MAML3: variants seen among roughly 807,000 people sequenced by gnomAD.
MAML3 encodes mastermind like transcriptional coactivator 3, also known as mastermind-like protein 3.
Under a neutral mutation model 101.9 loss-of-function variants are expected in MAML3, and 27 were observed. That is an observed-to-expected ratio of 0.27 (90% confidence interval 0.20 to 0.37). MAML3 has a LOEUF of 0.37. Among genes scored for constraint, MAML3 ranks in the 10% least tolerant of loss-of-function variants. MAML3 has a pLI of 1.00. For missense variants in MAML3, 1,316 were observed against 1,444.9 expected, an observed-to-expected ratio of 0.91 and a Z score of 1.45; for synonymous variants, 501 against 555.9, an observed-to-expected ratio of 0.90 and a Z score of 1.39.
At chr4:139,728,314 C>T (rs557513956) in intron 3 of MAML3, among the ~76,000 whole-genome samples, 3 of 152,326 alleles carry the variant, frequency 2.0e-5, no homozygotes, top group African/African-American at 7.2e-5. Context: ...ACAGGCAAGA[C>T]GCTCCACTGA....
intron 2 of MAML3, among the ~76,000 whole-genome samples, chr4:139,769,033 A>T (rs1017981406): frequency 6.6e-6 from 1 of 152,216 alleles, no homozygotes; most frequent in African/African-American, 2.4e-5. Flanking sequence ...CTTTGGTAAC[A>T]ACAAGGTGTT....
chr4:140,025,198 T>C (rs1387992519), intron 1 of MAML3, among the ~76,000 whole-genome samples: 2 of 152,100 alleles, frequency 1.3e-5, no homozygotes, highest in Non-Finnish European at 2.9e-5. Flanking sequence ...TGATTATGGG[T>C]TAGGTATTAG....
intron 1 of MAML3, among the ~76,000 whole-genome samples, chr4:140,054,343 TG>T (rs1727316945): frequency 7.5e-6 from 1 of 133,944 alleles, no homozygotes; most frequent in South Asian, 2.3e-4. Flanking sequence ...CACTGCGACC[TG>T]GGCAACAGAG....
chr4:140,033,639 T>C (rs1354052332), intron 1 of MAML3, among the ~76,000 whole-genome samples: 8 of 152,314 alleles, frequency 5.3e-5, no homozygotes, highest in Non-Finnish European at 1.0e-4. Context: ...AGCACCTGGA[T>C]TCAAACCAAC....
rs150028267 is a variant in MAML3 at position 139,814,965 on chromosome 4, T to A, written c.2079+74392A>T. ...GAAAGAGTATCATTAGGGTTTAGAG[T>A]CTAATGAGGCAGCATTAGATAGGCC... On this transcript the variant is annotated intron_variant, in intron 2 of 4. Coordinates refer to ENST00000509479, the MANE Select transcript of MAML3 (RefSeq NM_018717.5). Among the ~76,000 whole-genome samples the A allele has an allele frequency of 1.6e-3, 250 of 152,142 alleles. 2 individuals carry two copies. Among genetic ancestry groups the A allele is most frequent in the African/African-American group, 5.8e-3 (240 of 41,508 alleles).
rs576980242 is a variant in MAML3 at position 139,897,857 on chromosome 4, T to C, written c.469-6890A>G. Among the ~76,000 whole-genome samples the C allele has an allele frequency of 2.7e-3, 407 of 152,146 alleles. 2 individuals carry two copies. Among genetic ancestry groups the C allele is most frequent in the African/African-American group, 9.6e-3 (398 of 41,504 alleles). The stretch of plus-strand genomic sequence containing the variant: ...CAGGCTTAGCCATTACCTCTCATCT[T>C]CCCCGACTTACCCCGCAACCCCACT... On this transcript the variant is annotated intron_variant, in intron 1 of 4. Transcript: ENST00000509479.
At chr4:140,131,483 C>T (rs977128668) in intron 1 of MAML3, among the ~76,000 whole-genome samples, 10 of 152,048 alleles carry the variant, frequency 6.6e-5, no homozygotes, top group African/African-American at 1.9e-4. Flanking sequence ...TTGTGCAGAA[C>T]CACAAAGATG....
intron 1 of MAML3, among the ~76,000 whole-genome samples, chr4:140,056,594 A>G (rs1159925500): frequency 6.6e-6 from 1 of 151,880 alleles, no homozygotes; most frequent in Non-Finnish European, 1.5e-5. Context: ...ATCACCTGAG[A>G]TCAGGATTTC....
At chr4:139,994,776 G>A (rs1231968307) in intron 1 of MAML3, among the ~76,000 whole-genome samples, 4 of 139,738 alleles carry the variant, frequency 2.9e-5, no homozygotes, top group Non-Finnish European at 4.6e-5. Context: ...TGGTGGTGGT[G>A]CTGGTGGGGG....
chr4:140,009,120 A>T (rs1726505761), intron 1 of MAML3, among the ~76,000 whole-genome samples: 1 of 152,210 alleles, frequency 6.6e-6, no homozygotes, highest in Non-Finnish European at 1.5e-5. Context: ...GCACTACTGT[A>T]CACATGCTCA....
intron 1 of MAML3, among the ~76,000 whole-genome samples, chr4:139,978,625 G>A (rs75034548): frequency 0.37 from 39,926 of 109,308 alleles, 6,984 homozygotes; most frequent in East Asian, 0.7. Flanking sequence ...AAAAAAGAGA[G>A]AGAGAGAGAG....
At chr4:139,974,326 C>T (rs1306483885) in intron 1 of MAML3, among the ~76,000 whole-genome samples, 3 of 152,142 alleles carry the variant, frequency 2.0e-5, no homozygotes, top group African/African-American at 2.4e-5. Context: ...AGGATGGTCT[C>T]GATCTCCTGA....
At chr4:139,730,844 G>A in intron 2 of MAML3, 177 bp from the exon 3 acceptor site, 1 of 619,830 alleles carries the variant, frequency 1.6e-6, no homozygotes, top group Non-Finnish European at 2.8e-6. Flanking sequence ...CCTTACCTGA[G>A]TAGAATGAGA....
At position 139,719,641 on chromosome 4, in the gene MAML3, C is replaced by T. The variant is rs374560185; in HGVS notation, c.3099G>A (p.Ser1033=). 2.8e-4 allele frequency: 445 copies of T among 1,612,350 alleles called. 3 individuals carry two copies. In the East Asian group the frequency reaches 5.5e-3, roughly 20 times the overall value. The change falls in exon 5 of 5, where the codon TCG becomes TCA. Residue 1033 remains serine, a synonymous_variant. Transcript: ENST00000509479. ...GGCTGGTGCCTTGCTGCCCCGGGAG[C>T]GATGGCATCATCTGCCGACCCATGG... is the stretch of plus-strand genomic sequence containing the variant. ...PAAMGRQMMP[S]LPGQQGTSQA...
intron 2 of MAML3, among the ~76,000 whole-genome samples, chr4:139,775,188 C>T (rs1730069519): frequency 6.6e-6 from 1 of 152,134 alleles, no homozygotes; most frequent in East Asian, 1.9e-4. Flanking sequence ...TTTTCATTGC[C>T]CTAGGTAAAC....
chr4:139,992,559 TCTCA>T (rs1264086427), intron 1 of MAML3, among the ~76,000 whole-genome samples: 1 of 152,048 alleles, frequency 6.6e-6, no homozygotes, highest in Non-Finnish European at 1.5e-5. Flanking sequence ...TGAGATGGAG[TCTCA>T]CTCTGTTGCC....
intron 1 of MAML3, among the ~76,000 whole-genome samples, chr4:139,907,743 C>T (rs1049945680): frequency 6.6e-6 from 1 of 152,142 alleles, no homozygotes; most frequent in Admixed American, 6.5e-5. Context: ...AAATGCTCCC[C>T]TTCATGCATA....
At chr4:139,829,008 AGGAAGGAAGGAAGGAC>A (rs560405914) in intron 2 of MAML3, among the ~76,000 whole-genome samples, 2,887 of 141,296 alleles carry the variant, frequency 0.02, 87 homozygotes, top group African/African-American at 0.065. Flanking sequence ...GAAGGAAGGA[AGGAAGGAAGGAAGGAC>A]GGACGGACGG....
chr4:140,149,939 C>CTTTTTTT (rs3051828), intron 1 of MAML3, among the ~76,000 whole-genome samples: 189 of 129,696 alleles, frequency 1.5e-3, no homozygotes, highest in East Asian at 5.0e-3. Context: ...ATGTTTCTTT[C>CTTTTTTT]TTTTTTTTTT....
Sources: allele counts gnomAD v4.1 joint callset (sites outside exome capture counted in the v4.1 genomes callset), GRCh38; gene constraint gnomAD v4.1.1; transcripts MANE v1.5; gene names NCBI Gene and HGNC (gene_info 2026-07-23, HGNC 2026-07-21).